MUC7: variants seen among roughly 807,000 people sequenced by gnomAD.
MUC7 encodes mucin-7.
MUC7 carries 2 observed loss-of-function variants against 2.5 expected under a neutral mutation model. The observed-to-expected ratio is 0.81, with a 90% CI of 0.33 to 2.55. MUC7 has a LOEUF of 2.55. Among genes scored for constraint, MUC7 ranks in the 30% most tolerant of loss-of-function variants. MUC7 has a pLI of 0.11. For missense variants in MUC7, 408 were observed against 455.6 expected (o/e 0.90, Z 0.95); for synonymous variants, 133 against 173.4 (o/e 0.77, Z 1.83).
intron 1 of MUC7, among the ~76,000 whole-genome samples, chr4:70,438,286 G>T (rs942710426): frequency 6.6e-6 from 1 of 152,058 alleles, no homozygotes; most frequent in African/African-American, 2.4e-5. Flanking sequence ...AACTGCATTT[G>T]TTTTTTTCTT....
In MUC7 at chr4:70,463,744, C is replaced by T. The variant is rs139624271; in HGVS notation, c.-92-8471C>T. Among the ~76,000 whole-genome samples the T allele has an allele frequency of 2.9e-3, 438 of 152,280 alleles. 1 individual carries two copies. Among genetic ancestry groups the T allele is most frequent in the African/African-American group, 1.0e-2 (414 of 41,556 alleles). On this transcript the variant is annotated intron_variant, in intron 1 of 3. Transcript: ENST00000413702. ...TTTCTAAAACCCCAAGTGGCTTTAACACCGTAAGAACATTAAAATAGCCCT... is the reference window on the plus strand; with the variant it reads ...TTTCTAAAACCCCAAGTGGCTTTAATACCGTAAGAACATTAAAATAGCCCT...
intron 1 of MUC7, among the ~76,000 whole-genome samples, chr4:70,439,560 T>C (rs1733950366): frequency 6.6e-6 from 1 of 152,164 alleles, no homozygotes; most frequent in Non-Finnish European, 1.5e-5. Flanking sequence ...TATTTCTAAA[T>C]AAAAGTACAC....
At chr4:70,474,196 A>G in intron 2 of MUC7, 121 bp downstream of exon 2, 1 of 775,760 alleles carries the variant, frequency 1.3e-6, no homozygotes, top group South Asian at 1.7e-5. Flanking sequence ...GACATCTTTT[A>G]TTTCCAGGAA....
chr4:70,459,876 C>T (rs940678869), intron 1 of MUC7, among the ~76,000 whole-genome samples: 1 of 152,248 alleles, frequency 6.6e-6, no homozygotes. Context: ...CTGTAACAAG[C>T]AATTAGATAG....
chr4:70,431,923 G>T (rs900891952), intron 1 of MUC7, among the ~76,000 whole-genome samples: 4 of 152,002 alleles, frequency 2.6e-5, no homozygotes, highest in African/African-American at 7.2e-5. Flanking sequence ...ACAGGCCCCG[G>T]TGTGTGATAT....
At chr4:70,463,603 T>C (rs72853720) in intron 1 of MUC7, among the ~76,000 whole-genome samples, 3,560 of 152,304 alleles carry the variant, frequency 0.023, 142 homozygotes, top group African/African-American at 0.08. Flanking sequence ...GTATCCCATA[T>C]CACAACATTC....
chr4:70,481,062 G>A lies in MUC7; in HGVS notation c.318G>A (p.Val106=). ...GCAGTGTGGTCAACCCTACCTTAGT[G>A]GCTACAACCCAAATTCCATCTGTGA... ...KNSSVVNPTL[V]ATTQIPSVTF... The change falls in exon 3 of 3, where the codon GTG becomes GTA. Residue 106 remains valine, a synonymous_variant. Transcript: ENST00000304887. The A allele has an allele frequency of 6.2e-7, 1 of 1,614,056 alleles. No individual in the cohort carries two copies. The highest frequency in any genetic ancestry group is 8.5e-7 in the Non-Finnish European group (1 of 1,180,008).
chr4:70,452,237 T>C (rs1194032163), intron 1 of MUC7, among the ~76,000 whole-genome samples: 1 of 151,472 alleles, frequency 6.6e-6, no homozygotes, highest in Non-Finnish European at 1.5e-5. Context: ...TTGGAGAGTT[T>C]AGTCCATTTA....
chr4:70,461,361 C>T (rs1345834291), intron 1 of MUC7, among the ~76,000 whole-genome samples: 1 of 152,198 alleles, frequency 6.6e-6, no homozygotes, highest in African/African-American at 2.4e-5. Flanking sequence ...GGACTGAGCT[C>T]TTTGATGACA....
chr4:70,463,396 A>G (rs992605503), intron 1 of MUC7, among the ~76,000 whole-genome samples: 3 of 152,218 alleles, frequency 2.0e-5, no homozygotes, highest in Admixed American at 2.0e-4. Context: ...TTTTAAATCT[A>G]CTTTTCAATC....
rs1734068450 is a variant in MUC7, at chr4:70,444,094, T to C, written c.-93+13407T>C. On this transcript the variant is annotated intron_variant, in intron 1 of 3. Coordinates refer to the MUC7 transcript ENST00000413702. The stretch of plus-strand genomic sequence containing the variant: ...TCGACTACAACCACTTCCACAAATA[T>C]TGTGACATTTGCAATGCTAAATCTT... Among the ~76,000 whole-genome samples the C allele has an allele frequency of 2.6e-5, 4 of 152,148 alleles. No homozygotes were observed. In the South Asian group the frequency reaches 6.2e-4, roughly 24 times the overall value.
At chr4:70,447,316 GC>G (rs1560547265) in intron 1 of MUC7, among the ~76,000 whole-genome samples, 2 of 152,084 alleles carry the variant, frequency 1.3e-5, no homozygotes, top group Admixed American at 1.3e-4. Flanking sequence ...GAAGCGCCTG[GC>G]CCAACACTTG....
intron 1 of MUC7, among the ~76,000 whole-genome samples, chr4:70,457,279 A>C (rs1434138749): frequency 1.3e-5 from 2 of 152,130 alleles, no homozygotes; most frequent in African/African-American, 4.8e-5. Flanking sequence ...ACCCATCGCT[A>C]CATACAATTT....
At chr4:70,470,100 C>T (rs1454143323), upstream of MUC7, among the ~76,000 whole-genome samples, 1 of 152,176 alleles carries the variant, frequency 6.6e-6, no homozygotes, top group Non-Finnish European at 1.5e-5. Context: ...AGTTCATGTC[C>T]TTTGCAGGGA....
chr4:70,481,827 A>T lies in MUC7; in HGVS notation c.1083A>T (p.Leu361Phe). The T allele has an allele frequency of 6.2e-7, 1 of 1,614,130 alleles. No individual in the cohort carries two copies. Among genetic ancestry groups the T allele is most frequent in the Non-Finnish European group, 8.5e-7 (1 of 1,179,970 alleles). The change falls in exon 3 of 3, where the codon TTA becomes TTT. Residue 361 changes from leucine (L) to phenylalanine (F), a missense_variant. Leu to Phe is a conservative substitution (Grantham distance 22). Around this residue, in one of 3 missense-constraint regions of MUC7, gnomAD observed 175 missense variants for 187.1 expected, o/e 0.94. Transcript: ENST00000304887. ...PGQNKISRFLLYMKNLLNRII... is the reference protein window; with the variant it reads ...PGQNKISRFLFYMKNLLNRII... Reference sequence around the variant, plus strand: ...AAAATAAAATTTCTCGATTTCTTTTATATATGAAGAATCTACTAAACAGAA... The same window carrying T: ...AAAATAAAATTTCTCGATTTCTTTTTTATATGAAGAATCTACTAAACAGAA...
chr4:70,455,078 A>AT (rs199779535), intron 1 of MUC7, among the ~76,000 whole-genome samples: 15 of 151,078 alleles, frequency 9.9e-5, no homozygotes, highest in East Asian at 1.9e-4. Flanking sequence ...CTTTGGAGAT[A>AT]TTTTTTTTTC....
chr4:70,456,700 A>G (rs1440004792), intron 1 of MUC7, among the ~76,000 whole-genome samples: 3 of 152,218 alleles, frequency 2.0e-5, no homozygotes, highest in South Asian at 2.1e-4. Context: ...TGGGGATTAC[A>G]GTTCAAGATG....
At chr4:70,457,639 A>C (rs1734446331) in intron 1 of MUC7, among the ~76,000 whole-genome samples, 1 of 152,168 alleles carries the variant, frequency 6.6e-6, no homozygotes, top group African/African-American at 2.4e-5. Flanking sequence ...AAAAACTGTT[A>C]CATAATTATA....
intron 1 of MUC7, among the ~76,000 whole-genome samples, chr4:70,473,495 A>C (rs1044432033): frequency 2.0e-5 from 3 of 151,852 alleles, no homozygotes; most frequent in African/African-American, 7.2e-5. Flanking sequence ...CAAAATCTTC[A>C]GTAGAATGAA....
Sources: allele counts gnomAD v4.1 joint callset (sites outside exome capture counted in the v4.1 genomes callset), GRCh38; gene constraint gnomAD v4.1.1; regional missense constraint gnomAD v4.1.1; transcripts MANE v1.5; gene names NCBI Gene and HGNC (gene_info 2026-07-23, HGNC 2026-07-21).